Variants in NUP205 observed in about 807,000 individuals in gnomAD.
NUP205 encodes the protein nuclear pore complex protein Nup205.
Under a neutral mutation model 253.8 loss-of-function variants are expected in NUP205, and 76 were observed. That is an observed-to-expected ratio of 0.30 (90% CI 0.25 to 0.36). The LOEUF (loss-of-function observed/expected upper bound fraction) is 0.36. Ranked by LOEUF, NUP205 falls within the 10% of genes least tolerant of loss-of-function variation. NUP205 has a pLI of 1.00. For synonymous variants in NUP205, 832 were observed against 850.1 expected (o/e 0.98, Z 0.37); for missense variants, 2,162 against 2,425.5 (o/e 0.89, Z 2.28).
At position 135,559,817 on chromosome 7, in the gene NUP205, A is replaced by T. The variant is rs553931807; in HGVS notation, c.28+1845A>T. ...AGCAACTCTCCTGCCTCAGCCTCTG[A>T]AGTAACTGGGATTACAGGCGCCCGC... is the stretch of plus-strand genomic sequence containing the variant. On this transcript the variant is annotated intron_variant, in intron 1 of 42. Coordinates refer to ENST00000285968, the MANE Select transcript of NUP205 (RefSeq NM_015135.3). Among the ~76,000 whole-genome samples the T allele has an allele frequency of 3.0e-4, 46 of 150,864 alleles. No homozygotes were observed. The East Asian group carries it at 8.2e-3, about 27-fold the overall frequency.
intron 15 of NUP205, among the ~76,000 whole-genome samples, chr7:135,599,487 C>A (rs550055839): frequency 6.6e-6 from 1 of 152,244 alleles, no homozygotes; most frequent in Non-Finnish European, 1.5e-5. Context: ...ATAACAGCAA[C>A]CATGCCTCAT....
chr7:135,634,734 C>T (rs138965531), intron 35 of NUP205, among the ~76,000 whole-genome samples: 11 of 152,076 alleles, frequency 7.2e-5, no homozygotes, highest in African/African-American at 2.4e-4. Flanking sequence ...TCTCGGGAAG[C>T]GGTGAGGCAC....
At chr7:135,576,654 G>T (rs1806159290) in intron 4 of NUP205, among the ~76,000 whole-genome samples, 1 of 152,182 alleles carries the variant, frequency 6.6e-6, no homozygotes, top group African/African-American at 2.4e-5. Context: ...TGGGATTACA[G>T]ATTACAGTCT....
At position 135,598,168 on chromosome 7, in the gene NUP205, A is replaced by G; in HGVS notation, c.2235A>G (p.Leu745=). The change falls in exon 15 of 43, where the codon CTA becomes CTG. Residue 745 remains leucine, a synonymous_variant. Transcript: ENST00000285968. ...AGTTCCTTAGAGACTCTGTGTTTCTACGATTCCGTACAAGAGCTTACCGGA... is the reference window on the plus strand; with the variant it reads ...AGTTCCTTAGAGACTCTGTGTTTCTGCGATTCCGTACAAGAGCTTACCGGA... The part of the protein sequence containing the change: ...YLQFLRDSVF[L]RFRTRAYRRA... 1 of 1,614,098 alleles carries G rather than the reference A, an allele frequency of 6.2e-7. No homozygotes were observed. Among genetic ancestry groups the G allele is most frequent in the Non-Finnish European group, 8.5e-7 (1 of 1,179,994 alleles).
intron 1 of NUP205, among the ~76,000 whole-genome samples, chr7:135,569,534 G>C (rs922229466): frequency 1.2e-4 from 18 of 151,700 alleles, no homozygotes; most frequent in African/African-American, 4.4e-4. Flanking sequence ...TTGGGCTTAA[G>C]TTCTGACATT....
At chr7:135,643,729 T>G (rs1348626788) in intron 39 of NUP205, among the ~76,000 whole-genome samples, 5 of 152,176 alleles carry the variant, frequency 3.3e-5, no homozygotes, top group African/African-American at 4.8e-5. Context: ...GTTTAGCAAA[T>G]CTTTCAAACA....
chr7:135,585,588 A>G lies in NUP205; in HGVS notation c.1218+581A>G, dbSNP rs185831629. Among the ~76,000 whole-genome samples the G allele has an allele frequency of 1.1e-3, 162 of 150,220 alleles. 1 individual carries two copies. Among genetic ancestry groups the G allele is most frequent in the African/African-American group, 3.8e-3 (155 of 40,860 alleles). On this transcript the variant is annotated intron_variant, in intron 8 of 42. Coordinates refer to ENST00000285968, the MANE Select transcript of NUP205 (RefSeq NM_015135.3). Reference sequence around the variant, plus strand: ...TTTTTTTGAGATGGAGTCTTGCTCTATTGCGCCCAGGCTGGAGTGCAGTGG... The same window carrying G: ...TTTTTTTGAGATGGAGTCTTGCTCTGTTGCGCCCAGGCTGGAGTGCAGTGG...
intron 1 of NUP205, among the ~76,000 whole-genome samples, chr7:135,570,890 T>C (rs1175222306): frequency 8.1e-6 from 1 of 123,680 alleles, no homozygotes; most frequent in Non-Finnish European, 1.6e-5. Flanking sequence ...ATATATTATA[T>C]ATTATATATT....
At chr7:135,634,472 C>T (rs745562184) in intron 35 of NUP205, among the ~76,000 whole-genome samples, 2 of 152,060 alleles carry the variant, frequency 1.3e-5, no homozygotes, top group African/African-American at 2.4e-5. Flanking sequence ...GGTGCAAAAT[C>T]AAGGTTTCAA....
At chr7:135,638,933 G>A (rs933536711) in intron 38 of NUP205, among the ~76,000 whole-genome samples, 11 of 152,086 alleles carry the variant, frequency 7.2e-5, no homozygotes, top group African/African-American at 2.7e-4. Flanking sequence ...AGCACTTGAG[G>A]GCTCAAAGGA....
chr7:135,598,218 G>A lies in NUP205; in HGVS notation c.2274+11G>A, dbSNP rs781662246. ...AGAGCAGCTGAAAAGGTTATGTTCA[G>A]AGAAAAGCTTTTTTCTCCTTATGCA... On this transcript the variant is annotated intron_variant, in intron 15 of 42. Coordinates refer to ENST00000285968, the MANE Select transcript of NUP205 (RefSeq NM_015135.3). The A allele has an allele frequency of 3.7e-6, 6 of 1,610,434 alleles. No individual in the cohort carries two copies. Among genetic ancestry groups the A allele is most frequent in the Non-Finnish European group, 5.1e-6 (6 of 1,177,762 alleles).
intron 15 of NUP205, 55 bp from the exon 16 acceptor site, chr7:135,600,815 A>T: frequency 9.8e-7 from 1 of 1,018,558 alleles, no homozygotes; most frequent in Non-Finnish European, 1.5e-6. Flanking sequence ...AAGCCTTGCA[A>T]GGCCACCACC....
At chr7:135,618,634 C>G (rs1426987648) in intron 28 of NUP205, 31 bp downstream of exon 28, 1 of 1,484,738 alleles carries the variant, frequency 6.7e-7, no homozygotes, top group East Asian at 2.3e-5. Context: ...CTTTATACTG[C>G]TGAACGAATG....
At chr7:135,589,030 C>G (rs773528201) in intron 10 of NUP205, among the ~76,000 whole-genome samples, 2 of 150,764 alleles carry the variant, frequency 1.3e-5, no homozygotes, top group East Asian at 1.9e-4. Flanking sequence ...AATACTAGCT[C>G]GGTGTGCTAT....
Position 135,643,189 on chromosome 7 carries a change from T to C in NUP205, c.5393-3T>C, listed in dbSNP as rs1794945979. The C allele has an allele frequency of 6.2e-7, 1 of 1,613,348 alleles. No homozygotes were observed. The highest frequency in any genetic ancestry group is 1.1e-5 in the South Asian group (1 of 91,038). ...CATTGTTTTATGTCATCACCTCTAT[T>C]AGATACCCAAGCTCCAGTGGTTCCA... is the stretch of plus-strand genomic sequence containing the variant. On this transcript the variant is annotated splice_polypyrimidine_tract_variant and splice_region_variant and intron_variant, in intron 38 of 42. Coordinates refer to ENST00000285968, the MANE Select transcript of NUP205 (RefSeq NM_015135.3).
At chr7:135,584,051 G>A (rs778345517) in intron 7 of NUP205, among the ~76,000 whole-genome samples, 3 of 151,670 alleles carry the variant, frequency 2.0e-5, no homozygotes, top group Non-Finnish European at 4.4e-5. Context: ...CCATACTCCC[G>A]ACCTCAGGTG....
intron 31 of NUP205, 100 bp downstream of exon 31, chr7:135,623,025 C>A: frequency 7.9e-7 from 1 of 1,264,438 alleles, no homozygotes; most frequent in Non-Finnish European, 1.1e-6. Context: ...TGCCTGTAAT[C>A]TCAGTGCTTT....
chr7:135,621,090 G>A (rs1022838272), intron 30 of NUP205, among the ~76,000 whole-genome samples: 2 of 152,216 alleles, frequency 1.3e-5, no homozygotes, highest in Non-Finnish European at 2.9e-5. Context: ...ACCTTTGTGA[G>A]TGTTATTTTG....
intron 33 of NUP205, 56 bp downstream of exon 33, chr7:135,626,417 A>G (rs1040958285): frequency 4.0e-6 from 6 of 1,496,536 alleles, no homozygotes; most frequent in African/African-American, 3.2e-5. Context: ...TTATTAAGGG[A>G]AGAAAAAATT....
Sources: allele counts gnomAD v4.1 joint callset (sites outside exome capture counted in the v4.1 genomes callset), GRCh38; gene constraint gnomAD v4.1.1; transcripts MANE v1.5; gene names NCBI Gene and HGNC (gene_info 2026-07-23, HGNC 2026-07-21).